Variants in SEMA3D observed in about 807,000 individuals in gnomAD.
The protein encoded by SEMA3D is semaphorin-3D.
A neutral mutation model predicts 100.1 loss-of-function variants in SEMA3D; 84 were observed. The ratio of observed to expected loss-of-function variants is 0.84; its 90% CI spans 0.70 to 1.01. The LOEUF (loss-of-function observed/expected upper bound fraction) is 1.01, where lower values mean the gene tolerates loss of function less well. Ranked by LOEUF, SEMA3D falls within the 50% of genes least tolerant of loss-of-function variation. The pLI is 0.00. For synonymous variants in SEMA3D, 312 were observed against 320.7 expected (o/e 0.97, Z 0.29); for missense variants, 875 against 934.1 (o/e 0.94, Z 0.82).
intron 9 of SEMA3D, among the ~76,000 whole-genome samples, chr7:85,047,653 A>C (rs2116029066): frequency 6.6e-6 from 1 of 151,944 alleles, no homozygotes; most frequent in Admixed American, 6.6e-5. Flanking sequence ...TTACTCTCCA[A>C]GACATTTGAA....
At chr7:85,036,263 C>T (rs1790689400) in intron 12 of SEMA3D, among the ~76,000 whole-genome samples, 1 of 151,934 alleles carries the variant, frequency 6.6e-6, no homozygotes, top group Admixed American at 6.6e-5. Flanking sequence ...TTTTGAACTG[C>T]AGTTGTTTTT....
intron 3 of SEMA3D, among the ~76,000 whole-genome samples, chr7:85,115,805 T>C (rs1789222968): frequency 6.6e-6 from 1 of 152,132 alleles, no homozygotes; most frequent in South Asian, 2.1e-4. Context: ...AAGGCAACTG[T>C]TATCATATTT....
intron 10 of SEMA3D, chr7:85,041,927 C>G: frequency 2.2e-6 from 1 of 461,664 alleles, no homozygotes; most frequent in Non-Finnish European, 3.8e-6. Context: ...CTGTGTCTTG[C>G]TGTAGTTTTG....
chr7:85,129,243 T>C (rs774539149), intron 2 of SEMA3D, among the ~76,000 whole-genome samples: 2 of 152,230 alleles, frequency 1.3e-5, no homozygotes, highest in African/African-American at 2.4e-5. Context: ...GCAGCACTTA[T>C]TCTAAGGTAA....
rs542898682 is a variant in SEMA3D, at chr7:85,066,892, T to TCACACACACACACA, written c.589+1285_589+1298dup. On this transcript the variant is annotated intron_variant, in intron 7 of 18. Transcript: ENST00000284136. ...GCTAACTTCTAAAGGAAATGTGCGC[T>TCACACACACACACA]CACACACACACACACACACACAGAG... Among the ~76,000 whole-genome samples, 440 of 106,832 alleles carry TCACACACACACACA rather than the reference T, an allele frequency of 4.1e-3. 4 individuals carry two copies. The highest frequency in any genetic ancestry group is 0.016 in the African/African-American group (409 of 25,390). The allele number at this position is 106,832 out of a possible 152,430, so 70.1% of individuals were successfully genotyped here. A position where few individuals can be genotyped will look rare whatever the true frequency, so the allele number is the denominator to read the frequency against.
intron 15 of SEMA3D, 89 bp downstream of exon 15, chr7:85,018,163 C>T (rs1291108694): frequency 1.2e-6 from 1 of 816,732 alleles, no homozygotes; most frequent in Non-Finnish European, 2.1e-6. Context: ...ATTTAACTCC[C>T]AATTTCAATG....
In SEMA3D at chr7:85,132,027, G is replaced by C. The variant is rs148012898; in HGVS notation, c.-40-10096C>G. Among the ~76,000 whole-genome samples the C allele has an allele frequency of 4.0e-5, 6 of 151,852 alleles. No homozygotes were observed. The East Asian group carries it at 1.2e-3, about 29-fold the overall frequency. On this transcript the variant is annotated intron_variant, in intron 2 of 18. Coordinates refer to ENST00000284136, the MANE Select transcript of SEMA3D (RefSeq NM_001384900.1). ...CATATGTCTGAAATTATTTTAGATA[G>C]TTAATTAAAATAATTTTTACATGAA... is the stretch of plus-strand genomic sequence containing the variant.
chr7:85,219,633 T>C, the SEMA3D span, among the ~76,000 whole-genome samples: 4 of 152,070 alleles, frequency 2.6e-5, no homozygotes, highest in African/African-American at 9.7e-5. Context: ...TGGAACCACA[T>C]ACAGGCACAC....
chr7:85,091,520 G>C (rs1788393396), intron 4 of SEMA3D, among the ~76,000 whole-genome samples: 2 of 151,292 alleles, frequency 1.3e-5, no homozygotes, highest in South Asian at 4.2e-4. Flanking sequence ...AAAAGAGTGA[G>C]AAAGAGGGAG....
chr7:85,090,353 AG>A lies in SEMA3D; in HGVS notation c.312+7451del, dbSNP rs1235362727. 2.6e-5 allele frequency among the ~76,000 whole-genome samples: 4 copies of A among 152,124 alleles called. No individual in the cohort carries two copies. The East Asian group carries it at 7.8e-4, about 29-fold the overall frequency. ...CTGCACATCAGCACCCGGGCTAGGG[AG>A]CCAGCACATCCATGAACGAGTCGAT... On this transcript the variant is annotated intron_variant, in intron 4 of 18. Transcript: ENST00000284136.
intron 3 of SEMA3D, among the ~76,000 whole-genome samples, chr7:85,104,637 T>G (rs1281983537): frequency 6.6e-6 from 1 of 151,916 alleles, no homozygotes; most frequent in Non-Finnish European, 1.5e-5. Context: ...TCTAATAAAT[T>G]TAGGATTAAG....
chr7:85,154,713 G>A (rs1254737687), intron 1 of SEMA3D, among the ~76,000 whole-genome samples: 2 of 152,140 alleles, frequency 1.3e-5, no homozygotes, highest in Non-Finnish European at 2.9e-5. Flanking sequence ...ACGTACCAGA[G>A]AGAACCATAA....
rs537390005 is a variant in SEMA3D, at chr7:85,178,025, G to T, written c.-173+8653C>A. 5.3e-5 allele frequency among the ~76,000 whole-genome samples: 8 copies of T among 152,240 alleles called. No homozygotes were observed. The South Asian group carries it at 1.5e-3, about 28-fold the overall frequency. On this transcript the variant is annotated intron_variant, in intron 1 of 18. Transcript: ENST00000284136. ...CATGAGACCTGATGGTATTATAAGG[G>T]GCTTTCCCCCACTTCTCTCTGCACT...
intron 4 of SEMA3D, among the ~76,000 whole-genome samples, chr7:85,082,271 T>G (rs2116237146): frequency 6.6e-6 from 1 of 152,098 alleles, no homozygotes; most frequent in African/African-American, 2.4e-5. Flanking sequence ...ACTGGGGGGG[T>G]CTCAACCATT....
the SEMA3D span, among the ~76,000 whole-genome samples, chr7:85,193,635 A>T: frequency 6.6e-6 from 1 of 152,050 alleles, no homozygotes; most frequent in Non-Finnish European, 1.5e-5. Context: ...TGGTCATCCT[A>T]TCCCACATAA....
At position 85,068,229 on chromosome 7, in the gene SEMA3D, G is replaced by A; in HGVS notation, c.551C>T (p.Pro184Leu). Reference protein sequence around the residue: ...HNLESGRLKCPFDPQQPFASV... With the variant: ...HNLESGRLKCLFDPQQPFASV... ...AGCAAAAGGCTGCTGAGGATCGAAAGGACATTTCAGTCTGCCAGACTCCAA... is the reference window on the plus strand; with the variant it reads ...AGCAAAAGGCTGCTGAGGATCGAAAAGACATTTCAGTCTGCCAGACTCCAA... The change falls in exon 7 of 19, where the codon CCT becomes CTT. Residue 184 changes from proline to leucine, a missense_variant. By Grantham distance (98) the Pro-to-Leu change is moderately conservative. Coordinates refer to ENST00000284136, the MANE Select transcript of SEMA3D (RefSeq NM_001384900.1). 6.2e-7 allele frequency: 1 copy of A among 1,609,050 alleles called. No individual in the cohort carries two copies. The highest frequency in any genetic ancestry group is 8.5e-7 in the Non-Finnish European group (1 of 1,175,562).
the SEMA3D span, among the ~76,000 whole-genome samples, chr7:85,221,006 C>G: frequency 7.2e-5 from 11 of 152,002 alleles, no homozygotes; most frequent in Admixed American, 2.0e-4. Flanking sequence ...TCAGGTATAA[C>G]AGTGATGAGG....
the SEMA3D span, among the ~76,000 whole-genome samples, chr7:85,207,087 GA>G: frequency 3.0e-3 from 459 of 152,130 alleles, 1 homozygote; most frequent in Non-Finnish European, 4.7e-3. Flanking sequence ...ACTTGTCCTA[GA>G]CAAGAGAACA....
chr7:85,138,601 C>T lies in SEMA3D; in HGVS notation c.-41+15007G>A, dbSNP rs569839600. ...CCCCTTTCTTTCCATTTTGTGCCTC[C>T]CTTTTATAATATATAATTTATAATA... is the stretch of plus-strand genomic sequence containing the variant. On this transcript the variant is annotated intron_variant, in intron 2 of 18. Coordinates refer to ENST00000284136, the MANE Select transcript of SEMA3D (RefSeq NM_001384900.1). 7.8e-4 allele frequency among the ~76,000 whole-genome samples: 114 copies of T among 145,560 alleles called. 5 individuals carry two copies. In the South Asian group the frequency reaches 0.024, roughly 31 times the overall value.
Sources: gnomAD v4.1 joint callset for allele counts (sites outside exome capture counted in the v4.1 genomes callset) on GRCh38, gnomAD v4.1.1 for gene constraint, MANE v1.5 for transcripts, NCBI Gene and HGNC (gene_info 2026-07-23, HGNC 2026-07-21) for gene names.